Variants in CDK13 observed in about 807,000 individuals in gnomAD.
The protein encoded by CDK13 is cyclin dependent kinase 13, also known as cyclin-dependent kinase 13.
In CDK13, 40 loss-of-function variants were observed where a neutral mutation model predicts 137.6. The observed-to-expected ratio is 0.29, with a 90% CI of 0.23 to 0.38. The LOEUF (loss-of-function observed/expected upper bound fraction) is 0.38, where lower values mean the gene tolerates loss of function less well. Among genes scored for constraint, CDK13 ranks in the 10% least tolerant of loss-of-function variants. CDK13 has a pLI of 1.00. For missense variants in CDK13, 1,704 were observed against 1,951.8 expected (o/e 0.87, Z 2.39); for synonymous variants, 869 against 760.1 (o/e 1.14, Z -2.36).
chr7:40,049,477 G>T (rs987055068), intron 7 of CDK13, among the ~76,000 whole-genome samples: 1 of 151,474 alleles, frequency 6.6e-6, no homozygotes, highest in Non-Finnish European at 1.5e-5. Flanking sequence ...GCATTTGAGC[G>T]AATTGAGACC....
chr7:40,071,304 A>G (rs1431315756), intron 9 of CDK13: 4 of 152,194 alleles, frequency 2.6e-5, no homozygotes, highest in Non-Finnish European at 4.4e-5. Context: ...TTTTAACATA[A>G]TAATGTTAAC....
At chr7:40,029,555 A>G (rs1785320493) in intron 5 of CDK13, among the ~76,000 whole-genome samples, 1 of 151,542 alleles carries the variant, frequency 6.6e-6, no homozygotes, top group African/African-American at 2.4e-5. Flanking sequence ...CCCCGTCTCT[A>G]CTAAAAATAC....
At chr7:40,000,330 C>A (rs527399721) in intron 4 of CDK13, among the ~76,000 whole-genome samples, 11 of 152,238 alleles carry the variant, frequency 7.2e-5, no homozygotes, top group African/African-American at 2.6e-4. Flanking sequence ...CACACCACTG[C>A]ACTCCAGCCT....
At position 39,951,159 on chromosome 7, in the gene CDK13, G is replaced by T. The variant is rs1007263035; in HGVS notation, c.518G>T (p.Gly173Val). Residue 173 changes from glycine (G) to valine (V), a missense_variant, in exon 1 of 14, where the codon GGA becomes GTA. Transcript: ENST00000181839. ...GCAACGGCGGCGACGGCTGCCGGGGGAACGGGGGGCAGCGGCGGGAGTCCG... is the reference window on the plus strand; with the variant it reads ...GCAACGGCGGCGACGGCTGCCGGGGTAACGGGGGGCAGCGGCGGGAGTCCG... ...SAATAATAAG[G>V]TGGSGGSPAS... The T allele has an allele frequency of 8.0e-7, 1 of 1,243,360 alleles. No homozygotes were observed. Among genetic ancestry groups the T allele is most frequent in the Non-Finnish European group, 1.0e-6 (1 of 995,364 alleles). 77.0% of individuals were successfully genotyped at this position (1,243,360 alleles called of 1,614,324 possible).
chr7:40,041,456 ATG>A (rs1382944533), intron 5 of CDK13, among the ~76,000 whole-genome samples: 21 of 152,314 alleles, frequency 1.4e-4, no homozygotes, highest in African/African-American at 4.6e-4. Flanking sequence ...AAAATTCAGT[ATG>A]TGTTTTGCAC....
chr7:39,957,576 A>ATCCTAGAG (rs1787456601), intron 1 of CDK13, among the ~76,000 whole-genome samples: 3 of 152,308 alleles, frequency 2.0e-5, no homozygotes, highest in African/African-American at 7.2e-5. Flanking sequence ...AGGATAGGGC[A>ATCCTAGAG]GGTAATTGTT....
chr7:40,056,034 T>C (rs1420490990), intron 7 of CDK13, among the ~76,000 whole-genome samples: 1 of 152,240 alleles, frequency 6.6e-6, no homozygotes, highest in African/African-American at 2.4e-5. Context: ...CGGGATTTAA[T>C]ATTAGCATCC....
At chr7:40,036,424 T>C (rs1280304062) in intron 5 of CDK13, among the ~76,000 whole-genome samples, 1 of 151,996 alleles carries the variant, frequency 6.6e-6, no homozygotes, top group African/African-American at 2.4e-5. Context: ...GTACAACAAT[T>C]AGCCAGGTGT....
At chr7:39,981,597 AC>A (rs1276990170) in intron 1 of CDK13, among the ~76,000 whole-genome samples, 2 of 152,162 alleles carry the variant, frequency 1.3e-5, no homozygotes, top group African/African-American at 4.8e-5. Flanking sequence ...TTTGTTATAA[AC>A]AGTAAATATA....
At chr7:39,961,627 TTTAC>T (rs994983890) in intron 1 of CDK13, among the ~76,000 whole-genome samples, 3 of 122,788 alleles carry the variant, frequency 2.4e-5, no homozygotes, top group Admixed American at 7.9e-5. Context: ...AATGACATAA[TTTAC>T]TTCTTTTTTT....
intron 5 of CDK13, among the ~76,000 whole-genome samples, chr7:40,034,030 A>G (rs1251811406): frequency 6.6e-6 from 1 of 152,256 alleles, no homozygotes; most frequent in Non-Finnish European, 1.5e-5. Flanking sequence ...TGTTAAGGAC[A>G]GAATGCTCTG....
intron 2 of CDK13, among the ~76,000 whole-genome samples, chr7:39,996,444 C>T (rs1407898244): frequency 6.6e-6 from 1 of 152,092 alleles, no homozygotes; most frequent in Non-Finnish European, 1.5e-5. Flanking sequence ...TACTTTAAAA[C>T]TCAGAGCTCT....
intron 1 of CDK13, among the ~76,000 whole-genome samples, chr7:39,968,636 T>G (rs1373061223): frequency 6.6e-6 from 1 of 152,242 alleles, no homozygotes; most frequent in African/African-American, 2.4e-5. Context: ...ATTTCTGGGT[T>G]CTCTATTGTG....
chr7:40,004,085 T>C (rs1312029199), intron 5 of CDK13, among the ~76,000 whole-genome samples: 2 of 152,204 alleles, frequency 1.3e-5, no homozygotes, highest in East Asian at 3.8e-4. Flanking sequence ...TAGAATGTGC[T>C]GAATGACTAA....
chr7:39,994,213 T>C (rs923053573), intron 2 of CDK13, among the ~76,000 whole-genome samples: 1 of 152,160 alleles, frequency 6.6e-6, no homozygotes, highest in African/African-American at 2.4e-5. Context: ...TAGTCAAATC[T>C]ATTATTCTCT....
At chr7:40,031,408 G>A (rs1367733687) in intron 5 of CDK13, among the ~76,000 whole-genome samples, 1 of 151,928 alleles carries the variant, frequency 6.6e-6, no homozygotes, top group Non-Finnish European at 1.5e-5. Flanking sequence ...TGCAGACCCC[G>A]CTACTTGGGA....
At chr7:40,007,326 T>TA (rs1784813533) in intron 5 of CDK13, among the ~76,000 whole-genome samples, 4 of 152,236 alleles carry the variant, frequency 2.6e-5, no homozygotes, top group Non-Finnish European at 5.9e-5. Context: ...ACTCCCTGTG[T>TA]ACTCTCTGAT....
chr7:40,041,811 T>C (rs967029366), intron 5 of CDK13, among the ~76,000 whole-genome samples: 2 of 152,258 alleles, frequency 1.3e-5, no homozygotes, highest in East Asian at 3.8e-4. Flanking sequence ...GCATAAGATA[T>C]ACCAGAAGAA....
intron 5 of CDK13, among the ~76,000 whole-genome samples, chr7:40,033,705 C>T (rs923229021): frequency 1.3e-5 from 2 of 152,166 alleles, no homozygotes; most frequent in Non-Finnish European, 2.9e-5. Flanking sequence ...GTATTCTCCA[C>T]TTAGTATACA....
Sources: gnomAD v4.1 joint callset for allele counts (sites outside exome capture counted in the v4.1 genomes callset) on GRCh38, gnomAD v4.1.1 for gene constraint, MANE v1.5 for transcripts, NCBI Gene and HGNC (gene_info 2026-07-23, HGNC 2026-07-21) for gene names.